Variants in CCDC7 observed in about 807,000 individuals in gnomAD.
CCDC7 encodes coiled-coil domain-containing protein 7.
CCDC7 carries 183 observed loss-of-function variants against 196.9 expected under a neutral mutation model. The observed-to-expected ratio is 0.93, with a 90% CI of 0.82 to 1.05. The LOEUF (loss-of-function observed/expected upper bound fraction) is 1.05, where lower values mean the gene tolerates loss of function less well. CCDC7 is among the 50% of genes least tolerant of loss of function. The probability of loss-of-function intolerance (pLI) is 0.00; values close to 1 mark genes in which losing one functional copy is unlikely to be tolerated. For synonymous variants in CCDC7, 525 were observed against 484.6 expected, an observed-to-expected ratio of 1.08 and a Z score of -1.10; for missense variants, 1,540 against 1,482.2, an observed-to-expected ratio of 1.04 and a Z score of -0.64.
intron 18 of CCDC7, among the ~76,000 whole-genome samples, chr10:32,595,998 G>A (rs185534709): frequency 1.4e-4 from 21 of 152,314 alleles, no homozygotes; most frequent in African/African-American, 5.0e-4. Flanking sequence ...GTGATGTGGT[G>A]CTGAGAAGAA....
intron 8 of CCDC7, among the ~76,000 whole-genome samples, chr10:32,485,288 G>C (rs1269874460): frequency 1.3e-5 from 2 of 152,202 alleles, no homozygotes; most frequent in Admixed American, 6.5e-5. Context: ...GCATAGAGGT[G>C]TTTATAGTAT....
chr10:32,835,706 C>G (rs117064889), intron 33 of CCDC7, among the ~76,000 whole-genome samples: 6,031 of 151,886 alleles, frequency 0.04, 127 homozygotes, highest in Middle Eastern at 0.051. Flanking sequence ...GAAAGAGGGA[C>G]AGGATCAGGA....
intron 18 of CCDC7, among the ~76,000 whole-genome samples, chr10:32,632,565 G>A (rs1236611512): frequency 6.6e-6 from 1 of 151,702 alleles, no homozygotes; most frequent in African/African-American, 2.4e-5. Flanking sequence ...TTCTTTTTCA[G>A]TGTAAGTTTG....
chr10:32,684,162 G>A (rs1352076292), intron 21 of CCDC7, among the ~76,000 whole-genome samples: 2 of 152,294 alleles, frequency 1.3e-5, no homozygotes, highest in South Asian at 2.1e-4. Context: ...AGGTGCCCCA[G>A]AGGTGAGGCC....
At chr10:32,615,164 A>G (rs2062642920) in intron 18 of CCDC7, among the ~76,000 whole-genome samples, 1 of 152,150 alleles carries the variant, frequency 6.6e-6, no homozygotes, top group Non-Finnish European at 1.5e-5. Flanking sequence ...ATCTTTTTGT[A>G]TAATGATTTT....
chr10:32,707,351 C>G (rs990683130), intron 24 of CCDC7, among the ~76,000 whole-genome samples: 3 of 152,128 alleles, frequency 2.0e-5, no homozygotes, highest in African/African-American at 7.2e-5. Flanking sequence ...ATGACAAACC[C>G]ACAGCCAATA....
At chr10:32,702,984 G>T (rs1368905549) in intron 24 of CCDC7, among the ~76,000 whole-genome samples, 1 of 152,142 alleles carries the variant, frequency 6.6e-6, no homozygotes, top group Non-Finnish European at 1.5e-5. Flanking sequence ...GCCAGTCTGT[G>T]TCTTTTAATT....
intron 30 of CCDC7, among the ~76,000 whole-genome samples, chr10:32,811,707 TG>T (rs1217391585): frequency 6.6e-6 from 1 of 152,094 alleles, no homozygotes; most frequent in Non-Finnish European, 1.5e-5. Context: ...CGGAATTCTC[TG>T]TAACTCAGTC....
At chr10:32,511,445 T>G in intron 9 of CCDC7, 6 of 1,607,630 alleles carry the variant, frequency 3.7e-6, no homozygotes, top group Non-Finnish European at 4.3e-6. Flanking sequence ...GTCTGTTATT[T>G]CCTTGACTCT....
chr10:32,451,874 C>A (rs1244315932), exon 1 of CCDC7: 6 of 1,612,102 alleles, frequency 3.7e-6, no homozygotes, highest in Non-Finnish European at 5.1e-6. Flanking sequence ...AAAGAACTTA[C>A]TACCAGAAGA....
At chr10:32,736,489 A>C (rs2084891847) in intron 28 of CCDC7, among the ~76,000 whole-genome samples, 1 of 152,012 alleles carries the variant, frequency 6.6e-6, no homozygotes, top group African/African-American at 2.4e-5. Context: ...CGCTGCCCCC[A>C]CTAACTCGTC....
intron 9 of CCDC7, among the ~76,000 whole-genome samples, chr10:32,516,449 G>A (rs1197591703): frequency 2.6e-5 from 4 of 151,932 alleles, no homozygotes; most frequent in Admixed American, 1.3e-4. Flanking sequence ...CACCACACCC[G>A]GCTAATTTTT....
chr10:32,826,828 G>A (rs1395130719), intron 32 of CCDC7, among the ~76,000 whole-genome samples: 5 of 152,204 alleles, frequency 3.3e-5, no homozygotes, highest in Admixed American at 1.3e-4. Context: ...ACAGAACTTC[G>A]AGTGGTGCAC....
chr10:32,582,282 A>G (rs935157999), intron 16 of CCDC7, among the ~76,000 whole-genome samples: 3 of 151,700 alleles, frequency 2.0e-5, no homozygotes, highest in Non-Finnish European at 2.9e-5. Flanking sequence ...GTGAGACCAA[A>G]CTTCAAATTA....
chr10:32,730,417 A>G (rs1187163183), intron 28 of CCDC7, among the ~76,000 whole-genome samples: 5 of 151,814 alleles, frequency 3.3e-5, no homozygotes, highest in Non-Finnish European at 7.4e-5. Context: ...ATTTTTTATC[A>G]TCATACATTT....
At chr10:32,447,625 C>A (rs1040153455), upstream of CCDC7, among the ~76,000 whole-genome samples, 1 of 152,192 alleles carries the variant, frequency 6.6e-6, no homozygotes, top group East Asian at 1.9e-4. Context: ...GGGAGCAGGG[C>A]GCACAGTGGC....
Position 32,451,709 on chromosome 10 carries a change from A to C in CCDC7, c.67A>C (p.Lys23Gln), listed in dbSNP as rs1312384322. 2.5e-6 allele frequency: 4 copies of C among 1,613,586 alleles called. No homozygotes were observed. The African/African-American group carries it at 4.0e-5, about 16-fold the overall frequency. Residue 23 changes from lysine to glutamine, a missense_variant, in exon 1 of 42, where the codon AAA becomes CAA. Coordinates refer to ENST00000639629, the Ensembl canonical transcript of CCDC7. ...GGCAAATGTTCCAGCATTAACTACT[A>C]AAAAAGGACTACATAATTTACCATT...
intron 18 of CCDC7, among the ~76,000 whole-genome samples, chr10:32,615,690 T>C (rs575466510): frequency 2.6e-5 from 4 of 152,290 alleles, no homozygotes; most frequent in South Asian, 4.1e-4. Flanking sequence ...AAGTCCCATA[T>C]GTCTATTTTC....
intron 28 of CCDC7, among the ~76,000 whole-genome samples, chr10:32,759,725 A>G (rs552753455): frequency 1.3e-5 from 2 of 152,228 alleles, no homozygotes; most frequent in Admixed American, 6.5e-5. Context: ...AATGGCAACA[A>G]AAGGCAAAAT....
Sources: gnomAD v4.1 joint callset for allele counts (sites outside exome capture counted in the v4.1 genomes callset) on GRCh38, gnomAD v4.1.1 for gene constraint, MANE v1.5 for transcripts, NCBI Gene and HGNC (gene_info 2026-07-23, HGNC 2026-07-21) for gene names.